CD109: variants seen among roughly 807,000 people sequenced by gnomAD.
CD109 encodes the protein CD109 antigen.
CD109 carries 149 observed loss-of-function variants against 165.8 expected under a neutral mutation model. That is an observed-to-expected ratio of 0.90 (90% CI 0.79 to 1.03). The LOEUF (loss-of-function observed/expected upper bound fraction) is 1.03, where lower values mean the gene tolerates loss of function less well. Among genes scored for constraint, CD109 ranks in the 50% least tolerant of loss-of-function variants. CD109 has a pLI of 0.00. For missense variants in CD109, 1,712 were observed against 1,677.8 expected (o/e 1.02, Z -0.36); for synonymous variants, 585 against 592.1 (o/e 0.99, Z 0.18).
At position 73,818,507 on chromosome 6, in the gene CD109, A is replaced by C. The variant is rs1414409492; in HGVS notation, c.4031A>C (p.His1344Pro). Residue 1344 changes from histidine (H) to proline (P), a missense_variant, in exon 31 of 33, where the codon CAT (histidine) becomes CCT (proline). By Grantham distance (77) the His-to-Pro change is moderately conservative. Transcript: ENST00000287097. ...ACAGTGAAGAAAGTGGAATATGATC[A>C]TGGAAAACTCAACCTCTATTTAGAT... ...SETVKKVEYD[H>P]GKLNLYLDSV... is the part of the protein sequence containing the mutation. 6.2e-7 allele frequency: 1 copy of C among 1,613,086 alleles called. No homozygotes were observed.
intron 5 of CD109, among the ~76,000 whole-genome samples, chr6:73,745,577 C>T (rs917371136): frequency 1.3e-5 from 2 of 152,176 alleles, no homozygotes; most frequent in Admixed American, 6.5e-5. Context: ...ATTCTGACCA[C>T]AGCAGCCATG....
rs138776569 is a variant in CD109 at position 73,774,755 on chromosome 6, T to C, written c.1827+3174T>C. On this transcript the variant is annotated intron_variant, in intron 15 of 32. Transcript: ENST00000287097. Reference sequence around the variant, plus strand: ...TGTTTTCTGACTATGTCTGCTGCTGTGTCTAGCTGCCTTCTGCCTTAGACT... The same window carrying C: ...TGTTTTCTGACTATGTCTGCTGCTGCGTCTAGCTGCCTTCTGCCTTAGACT... Among the ~76,000 whole-genome samples, 167 of 152,316 alleles carry C rather than the reference T, an allele frequency of 1.1e-3. 1 individual carries two copies. The highest frequency in any genetic ancestry group is 3.9e-3 in the African/African-American group (161 of 41,568).
At position 73,808,153 on chromosome 6, in the gene CD109, A is replaced by G. The variant is rs753191840; in HGVS notation, c.3260A>G (p.Tyr1087Cys). The G allele has an allele frequency of 2.5e-6, 4 of 1,613,592 alleles. No homozygotes were observed. The highest frequency in any genetic ancestry group is 3.4e-6 in the Non-Finnish European group (4 of 1,179,674). ...SEFSRGISDN[Y>C]TLALITYALS... ...TTCAGTAGAGGAATTTCAGACAATTATACTCTAGCCCTTATAACTTATGCA... is the reference window on the plus strand; with the variant it reads ...TTCAGTAGAGGAATTTCAGACAATTGTACTCTAGCCCTTATAACTTATGCA... The change falls in exon 26 of 33, where the codon TAT becomes TGT. Residue 1087 changes from tyrosine (Y) to cysteine (C), a missense_variant. Physicochemically the swap from Tyr to Cys is radical, Grantham distance 194 (BLOSUM62 -2). Coordinates refer to ENST00000287097, the MANE Select transcript of CD109 (RefSeq NM_133493.5).
intron 15 of CD109, among the ~76,000 whole-genome samples, chr6:73,779,726 T>C (rs886787408): frequency 6.6e-6 from 1 of 152,148 alleles, no homozygotes; most frequent in African/African-American, 2.4e-5. Context: ...TTTCAGTCCT[T>C]TTGTGTATAT....
In CD109 at chr6:73,766,966, T is replaced by C. The variant is rs753094394; in HGVS notation, c.1453T>C (p.Leu485=). Residue 485 remains leucine, a synonymous_variant, in exon 13 of 33, where the codon TTG becomes CTG. Transcript: ENST00000287097. ...TTTCTAGGTGGGATCGCCTTTTGAGTTGGTGGTTAGTGGCAACAAACGATT... is the reference window on the plus strand; with the variant it reads ...TTTCTAGGTGGGATCGCCTTTTGAGCTGGTGGTTAGTGGCAACAAACGATT... The part of the protein sequence containing the change: ...ENIKVGSPFE[L]VVSGNKRLKE... 9 of 1,613,696 alleles carry C rather than the reference T, an allele frequency of 5.6e-6. No individual in the cohort carries two copies. The highest frequency in any genetic ancestry group is 1.3e-5 in the African/African-American group (1 of 74,896).
intron 13 of CD109, among the ~76,000 whole-genome samples, chr6:73,767,237 C>T (rs955647431): frequency 3.9e-5 from 6 of 152,114 alleles, no homozygotes; most frequent in East Asian, 3.9e-4. Flanking sequence ...GACCCAGTGT[C>T]GGTTGTTCCC....
intron 15 of CD109, among the ~76,000 whole-genome samples, chr6:73,772,474 C>T (rs1338134817): frequency 1.4e-5 from 2 of 144,740 alleles, no homozygotes; most frequent in Non-Finnish European, 3.0e-5. Context: ...CCACTGCACT[C>T]CAGCCTGGGT....
intron 25 of CD109, 130 bp downstream of exon 25, chr6:73,807,202 A>T (rs544557529): frequency 1.5e-6 from 1 of 676,252 alleles, no homozygotes; most frequent in Admixed American, 2.7e-5. Context: ...GAATTTGAGT[A>T]CTCTTTTGCT....
intron 24 of CD109, among the ~76,000 whole-genome samples, chr6:73,805,159 A>G (rs1408842974): frequency 6.6e-6 from 1 of 152,246 alleles, no homozygotes; most frequent in Non-Finnish European, 1.5e-5. Flanking sequence ...AAGAGAGATC[A>G]GATTGTTACC....
At chr6:73,751,963 T>C (rs1203633632) in intron 5 of CD109, among the ~76,000 whole-genome samples, 1 of 152,262 alleles carries the variant, frequency 6.6e-6, no homozygotes, top group Non-Finnish European at 1.5e-5. Flanking sequence ...ATCTATTGTC[T>C]TGGGGGCTAA....
intron 23 of CD109, among the ~76,000 whole-genome samples, chr6:73,793,324 C>G (rs1287218504): frequency 1.3e-5 from 2 of 152,176 alleles, no homozygotes; most frequent in Non-Finnish European, 2.9e-5. Flanking sequence ...GAGGAAATGT[C>G]ATGCTAGTGA....
intron 5 of CD109, among the ~76,000 whole-genome samples, chr6:73,744,888 T>TA (rs1772921552): frequency 6.6e-6 from 1 of 152,140 alleles, no homozygotes; most frequent in Non-Finnish European, 1.5e-5. Context: ...TGTAGCATCA[T>TA]CAGTACATAG....
intron 15 of CD109, among the ~76,000 whole-genome samples, chr6:73,775,572 C>A (rs1005894355): frequency 1.3e-5 from 2 of 152,100 alleles, no homozygotes; most frequent in Non-Finnish European, 2.9e-5. Flanking sequence ...GTTACATAGG[C>A]AACCTTGTGT....
chr6:73,703,348 A>G (rs1270781370), intron 2 of CD109, among the ~76,000 whole-genome samples: 3 of 152,248 alleles, frequency 2.0e-5, no homozygotes, highest in Non-Finnish European at 2.9e-5. Context: ...GAATTACAAA[A>G]TGAAATGCCA....
At chr6:73,816,849 A>G (rs79792278) in intron 30 of CD109, among the ~76,000 whole-genome samples, 3,608 of 152,236 alleles carry the variant, frequency 0.024, 162 homozygotes, top group African/African-American at 0.082. Flanking sequence ...CATGAGAAAA[A>G]TGAGGTGGGG....
intron 2 of CD109, among the ~76,000 whole-genome samples, chr6:73,714,405 C>T (rs1771647141): frequency 6.6e-6 from 1 of 152,242 alleles, no homozygotes; most frequent in Non-Finnish European, 1.5e-5. Context: ...CTGGCCCTGA[C>T]TGCTTCTGAG....
At chr6:73,744,957 T>C (rs1772926177) in intron 5 of CD109, among the ~76,000 whole-genome samples, 1 of 152,264 alleles carries the variant, frequency 6.6e-6, no homozygotes, top group South Asian at 2.1e-4. Context: ...CTCCCCACTT[T>C]ATGGAGGAAG....
intron 2 of CD109, among the ~76,000 whole-genome samples, chr6:73,718,768 C>A (rs976709912): frequency 6.6e-6 from 1 of 151,798 alleles, no homozygotes; most frequent in African/African-American, 2.4e-5. Flanking sequence ...TTGTTGTGAG[C>A]TTTAAACTCA....
intron 16 of CD109, among the ~76,000 whole-genome samples, chr6:73,780,986 GA>G (rs1774469286): frequency 1.8e-5 from 1 of 56,614 alleles, no homozygotes; most frequent in Non-Finnish European, 3.5e-5. Flanking sequence ...GTGTGTTTGA[GA>G]GAGATCGATA....
Sources: allele counts gnomAD v4.1 joint callset (sites outside exome capture counted in the v4.1 genomes callset), GRCh38; gene constraint gnomAD v4.1.1; transcripts MANE v1.5; gene names NCBI Gene and HGNC (gene_info 2026-07-23, HGNC 2026-07-21).